Variants in FBXL17 observed in about 807,000 individuals in gnomAD.
FBXL17 encodes F-box and leucine rich repeat protein 17.
FBXL17 carries 22 observed loss-of-function variants against 66.2 expected under a neutral mutation model. That is an observed-to-expected ratio of 0.33 (90% CI 0.24 to 0.47). The LOEUF is 0.47. Among genes scored for constraint, FBXL17 ranks in the 20% least tolerant of loss-of-function variants. FBXL17 has a pLI of 1.00. For missense variants in FBXL17, 878 were observed against 948.2 expected (o/e 0.93, Z 0.97); for synonymous variants, 474 against 400.5 (o/e 1.18, Z -2.19).
chr5:108,204,597 C>T (rs1018909279), intron 5 of FBXL17, among the ~76,000 whole-genome samples: 2 of 152,160 alleles, frequency 1.3e-5, no homozygotes, highest in South Asian at 2.1e-4. Flanking sequence ...ATTTCTAAGG[C>T]TTGCCTTTGA....
intron 4 of FBXL17, among the ~76,000 whole-genome samples, chr5:108,226,519 G>A (rs1269719241): frequency 6.6e-6 from 1 of 152,048 alleles, no homozygotes; most frequent in Non-Finnish European, 1.5e-5. Flanking sequence ...ACTGGGAGGA[G>A]GCACATTTTT....
At chr5:107,879,800 G>T in intron 8 of FBXL17, 1 of 985,394 alleles carries the variant, frequency 1.0e-6, no homozygotes, top group Non-Finnish European at 1.2e-6. Context: ...GGCACTTTCT[G>T]AGCAAGTATC....
chr5:108,120,878 T>C (rs570253528), intron 6 of FBXL17, among the ~76,000 whole-genome samples: 45 of 152,278 alleles, frequency 3.0e-4, no homozygotes, highest in Non-Finnish European at 5.0e-4. Context: ...AAATACTGAT[T>C]GAATGAATGA....
chr5:107,888,665 C>T (rs893498660), intron 7 of FBXL17, among the ~76,000 whole-genome samples: 10 of 152,046 alleles, frequency 6.6e-5, no homozygotes, highest in South Asian at 2.1e-4. Context: ...GATCCATCCA[C>T]GTTGTTATGT....
intron 7 of FBXL17, among the ~76,000 whole-genome samples, chr5:108,009,878 G>C (rs1754110307): frequency 6.6e-6 from 1 of 152,054 alleles, no homozygotes; most frequent in South Asian, 2.1e-4. Flanking sequence ...TGATTTTATA[G>C]CTAATAAGAT....
chr5:108,232,479 G>A (rs1031222365), intron 4 of FBXL17, among the ~76,000 whole-genome samples: 4 of 151,966 alleles, frequency 2.6e-5, no homozygotes, highest in Admixed American at 6.6e-5. Flanking sequence ...CTGTGAGGGT[G>A]TTGCCAAAGG....
intron 6 of FBXL17, among the ~76,000 whole-genome samples, chr5:108,062,266 G>C (rs539813553): frequency 6.6e-6 from 1 of 151,972 alleles, no homozygotes; most frequent in Admixed American, 6.6e-5. Context: ...TTGCTCTTCC[G>C]TAGCTTGGCA....
intron 7 of FBXL17, among the ~76,000 whole-genome samples, chr5:107,964,999 C>T (rs977447875): frequency 6.6e-6 from 1 of 152,028 alleles, no homozygotes; most frequent in African/African-American, 2.4e-5. Flanking sequence ...GCCTGACCTG[C>T]TATAAACAGA....
chr5:108,104,699 C>T (rs1749725045), intron 6 of FBXL17, among the ~76,000 whole-genome samples: 1 of 152,194 alleles, frequency 6.6e-6, no homozygotes, highest in Non-Finnish European at 1.5e-5. Flanking sequence ...AGATGATCCA[C>T]AGTTTTGTGA....
chr5:107,914,600 G>C (rs1750064818), intron 7 of FBXL17, among the ~76,000 whole-genome samples: 1 of 152,196 alleles, frequency 6.6e-6, no homozygotes, highest in African/African-American at 2.4e-5. Flanking sequence ...CCATCCACTT[G>C]GCCACAGTGG....
chr5:107,984,532 T>C (rs1193135456), intron 7 of FBXL17, among the ~76,000 whole-genome samples: 1 of 152,270 alleles, frequency 6.6e-6, no homozygotes, highest in Admixed American at 6.5e-5. Context: ...TGGTACCTAC[T>C]TGCTATAGCA....
At chr5:108,145,487 T>C (rs1580508954) in intron 6 of FBXL17, among the ~76,000 whole-genome samples, 1 of 152,174 alleles carries the variant, frequency 6.6e-6, no homozygotes, top group African/African-American at 2.4e-5. Flanking sequence ...CTTAATAATT[T>C]CCCTCATTAA....
chr5:107,944,078 C>T (rs1751204024), intron 7 of FBXL17, among the ~76,000 whole-genome samples: 1 of 152,160 alleles, frequency 6.6e-6, no homozygotes, highest in South Asian at 2.1e-4. Context: ...TTTTCATCCT[C>T]CCAGATTCAG....
intron 6 of FBXL17, among the ~76,000 whole-genome samples, chr5:108,070,014 G>T (rs1015202018): frequency 1.3e-5 from 2 of 152,072 alleles, no homozygotes; most frequent in Non-Finnish European, 2.9e-5. Flanking sequence ...GTCCTAAGTT[G>T]TTTCTCTGGA....
chr5:108,124,623 T>C (rs1750626140), intron 6 of FBXL17, among the ~76,000 whole-genome samples: 1 of 152,078 alleles, frequency 6.6e-6, no homozygotes, highest in Non-Finnish European at 1.5e-5. Flanking sequence ...ATAAGAGTGC[T>C]ACCCAGATAG....
intron 5 of FBXL17, among the ~76,000 whole-genome samples, chr5:108,210,123 T>C (rs1316566503): frequency 2.0e-5 from 3 of 152,204 alleles, no homozygotes; most frequent in Non-Finnish European, 4.4e-5. Context: ...TATTCTCTGA[T>C]GGTAGTTTGT....
intron 7 of FBXL17, among the ~76,000 whole-genome samples, chr5:107,888,382 C>A (rs1749043783): frequency 6.6e-6 from 1 of 152,128 alleles, no homozygotes; most frequent in South Asian, 2.1e-4. Context: ...GGAAGCATAA[C>A]TAACTGTAGA....
At chr5:108,119,829 A>C (rs866225726) in intron 6 of FBXL17, among the ~76,000 whole-genome samples, 2 of 152,228 alleles carry the variant, frequency 1.3e-5, no homozygotes, top group South Asian at 4.1e-4. Context: ...AACAAAATTT[A>C]GTAAAGATTA....
chr5:108,175,717 G>C (rs1752771680), intron 6 of FBXL17, among the ~76,000 whole-genome samples: 1 of 152,104 alleles, frequency 6.6e-6, no homozygotes, highest in Non-Finnish European at 1.5e-5. Context: ...CCAGACACTT[G>C]CATGTCATGT....
Sources: gnomAD v4.1 joint callset for allele counts (sites outside exome capture counted in the v4.1 genomes callset) on GRCh38, gnomAD v4.1.1 for gene constraint, MANE v1.5 for transcripts, NCBI Gene and HGNC (gene_info 2026-07-23, HGNC 2026-07-21) for gene names.